DOCK3: variants seen among roughly 807,000 people sequenced by gnomAD.
DOCK3 encodes dedicator of cytokinesis 3, also known as dedicator of cytokinesis protein 3.
In DOCK3, 60 loss-of-function variants were observed where a neutral mutation model predicts 265.6. The ratio of observed to expected loss-of-function variants is 0.23; its 90% confidence interval spans 0.18 to 0.28. DOCK3 has a LOEUF of 0.28. Among genes scored for constraint, DOCK3 ranks in the 10% least tolerant of loss-of-function variants. DOCK3 has a pLI of 1.00. For synonymous variants in DOCK3, 881 were observed against 938.0 expected, an observed-to-expected ratio of 0.94 and a Z score of 1.11; for missense variants, 1,981 against 2,594.3, an observed-to-expected ratio of 0.76 and a Z score of 5.14.
chr3:51,072,998 G>A (rs148532498), intron 6 of DOCK3, among the ~76,000 whole-genome samples: 3 of 151,718 alleles, frequency 2.0e-5, no homozygotes, highest in Non-Finnish European at 2.9e-5. Context: ...ATGAGCTACC[G>A]CACCTAGCCA....
chr3:51,066,576 G>A (rs1440251585), intron 6 of DOCK3, among the ~76,000 whole-genome samples: 1 of 152,126 alleles, frequency 6.6e-6, no homozygotes, highest in Admixed American at 6.5e-5. Flanking sequence ...TTAAGTGAGA[G>A]GGGACACAAA....
chr3:50,863,300 T>C, intron 3 of DOCK3: 1 of 452,508 alleles, frequency 2.2e-6, no homozygotes, highest in South Asian at 1.7e-5. Flanking sequence ...CTGTATGGCA[T>C]GGTCTGTCTC....
chr3:51,276,425 T>G, intron 25 of DOCK3: 1 of 985,298 alleles, frequency 1.0e-6, no homozygotes, highest in Non-Finnish European at 1.2e-6. Flanking sequence ...AGAGGAGGAA[T>G]GGAACACAAG....
At position 51,221,282 on chromosome 3, in the gene DOCK3, G is replaced by A. The variant is rs578156726; in HGVS notation, c.1253-4367G>A. Among the ~76,000 whole-genome samples the A allele has an allele frequency of 2.6e-5, 4 of 152,292 alleles. 1 individual carries two copies. Among genetic ancestry groups the A allele is most frequent in the African/African-American group, 9.6e-5 (4 of 41,566 alleles). ...CAGTAGCTGTTTGTCTAGGTGCACAGGAATCTGTATTTTTGATGTGCAGTT... is the reference window on the plus strand; with the variant it reads ...CAGTAGCTGTTTGTCTAGGTGCACAAGAATCTGTATTTTTGATGTGCAGTT... On this transcript the variant is annotated intron_variant, in intron 14 of 52. Coordinates refer to ENST00000266037, the MANE Select transcript of DOCK3 (RefSeq NM_004947.5).
chr3:50,948,027 T>TTATTATC (rs1559850630), intron 5 of DOCK3, among the ~76,000 whole-genome samples: 3 of 35,532 alleles, frequency 8.4e-5, no homozygotes, highest in Admixed American at 2.7e-4. Flanking sequence ...AGCTAATTAT[T>TTATTATC]ATTATTATTA....
At position 51,248,841 on chromosome 3, in the gene DOCK3, C is replaced by T. The variant is rs550313480; in HGVS notation, c.2184+2034C>T. Among the ~76,000 whole-genome samples the T allele has an allele frequency of 6.8e-5, 10 of 146,684 alleles. No homozygotes were observed. The South Asian group carries it at 2.0e-3, about 29-fold the overall frequency. On this transcript the variant is annotated intron_variant, in intron 22 of 52. Coordinates refer to ENST00000266037, the MANE Select transcript of DOCK3 (RefSeq NM_004947.5). The stretch of plus-strand genomic sequence containing the variant: ...TGGGATGTGGAGAGCACCTCTGCCC[C>T]GCCGCCCCGTCTGGGATGTGAGGAG...
intron 1 of DOCK3, among the ~76,000 whole-genome samples, chr3:50,751,124 A>G (rs2039774260): frequency 6.6e-6 from 1 of 152,182 alleles, no homozygotes; most frequent in South Asian, 2.1e-4. Context: ...AGGATTGATG[A>G]TATTTTTGTG....
intron 1 of DOCK3, among the ~76,000 whole-genome samples, chr3:50,681,376 GTCTTTAT>G (rs1333444483): frequency 6.6e-6 from 1 of 152,064 alleles, no homozygotes; most frequent in Non-Finnish European, 1.5e-5. Context: ...AAATTTTTGT[GTCTTTAT>G]TCTTTAAGAA....
At chr3:51,123,394 T>C (rs4244696) in intron 9 of DOCK3, among the ~76,000 whole-genome samples, 137,212 of 152,252 alleles carry the variant, frequency 0.9, 62,025 homozygotes, top group African/African-American at 0.95. Flanking sequence ...CAGACAAGGA[T>C]GCTGGACTTA....
chr3:50,881,874 G>T (rs568712250), intron 3 of DOCK3, among the ~76,000 whole-genome samples: 1 of 152,146 alleles, frequency 6.6e-6, no homozygotes, highest in Non-Finnish European at 1.5e-5. Context: ...TATACTACAA[G>T]TCTACAGTAA....
chr3:51,083,752 G>A (rs1243838192), intron 7 of DOCK3, among the ~76,000 whole-genome samples: 1 of 152,146 alleles, frequency 6.6e-6, no homozygotes, highest in African/African-American at 2.4e-5. Flanking sequence ...GGAGGCCAAG[G>A]CAGGTGGATC....
intron 12 of DOCK3, among the ~76,000 whole-genome samples, chr3:51,198,718 T>C (rs2088486031): frequency 6.6e-6 from 1 of 152,126 alleles, no homozygotes; most frequent in Non-Finnish European, 1.5e-5. Flanking sequence ...TGAGTAAGAA[T>C]AGCTTTAGAA....
Position 51,307,430 on chromosome 3 carries a change from T to A in DOCK3, c.2923-2802T>A, listed in dbSNP as rs571279319. ...CCATGCCTGGACCCATTCTTTAATA[T>A]CTGTATTTTTTAACTATATGCAGTC... On this transcript the variant is annotated intron_variant, in intron 27 of 52. Transcript: ENST00000266037. 5.3e-4 allele frequency among the ~76,000 whole-genome samples: 80 copies of A among 152,360 alleles called. 1 individual carries two copies. Among genetic ancestry groups the A allele is most frequent in the Non-Finnish European group, 6.5e-4 (44 of 68,038 alleles).
At chr3:50,738,641 C>T (rs1266749455) in intron 1 of DOCK3, among the ~76,000 whole-genome samples, 1 of 152,176 alleles carries the variant, frequency 6.6e-6, no homozygotes, top group Non-Finnish European at 1.5e-5. Context: ...GAGGCATTAT[C>T]CTTTTTCCTG....
At chr3:51,054,121 T>TAAAAAAAAAAAAAA (rs35733959) in intron 5 of DOCK3, among the ~76,000 whole-genome samples, 2 of 85,012 alleles carry the variant, frequency 2.4e-5, no homozygotes, top group Non-Finnish European at 4.6e-5. Context: ...CGTAGCTTCC[T>TAAAAAAAAAAAAAA]AAAAAAAAAA....
chr3:50,868,842 G>C (rs1388876363), intron 3 of DOCK3, among the ~76,000 whole-genome samples: 1 of 90,732 alleles, frequency 1.1e-5, no homozygotes, highest in African/African-American at 4.3e-5. Context: ...ATGATCCTTT[G>C]TTTTTCTGCA....
chr3:51,194,584 C>A (rs2088156837), intron 12 of DOCK3, among the ~76,000 whole-genome samples: 1 of 151,982 alleles, frequency 6.6e-6, no homozygotes, highest in African/African-American at 2.4e-5. Context: ...TCCAGGTGTT[C>A]CAATGTTGGT....
intron 3 of DOCK3, among the ~76,000 whole-genome samples, chr3:50,843,251 C>T (rs2045925997): frequency 6.6e-6 from 1 of 152,082 alleles, no homozygotes; most frequent in African/African-American, 2.4e-5. Context: ...TGTGAGGTTA[C>T]CTGTGGCAAC....
intron 4 of DOCK3, among the ~76,000 whole-genome samples, chr3:50,917,482 T>A (rs1203351965): frequency 6.6e-6 from 1 of 152,086 alleles, no homozygotes; most frequent in Non-Finnish European, 1.5e-5. Context: ...TTTTTAGATT[T>A]ATTACTATAA....
Sources: allele counts gnomAD v4.1 joint callset (sites outside exome capture counted in the v4.1 genomes callset), GRCh38; gene constraint gnomAD v4.1.1; transcripts MANE v1.5; gene names NCBI Gene and HGNC (gene_info 2026-07-23, HGNC 2026-07-21).